TBC1D9: variants seen among roughly 807,000 people sequenced by gnomAD.
TBC1D9 encodes TBC1 domain family member 9.
TBC1D9 carries 63 observed loss-of-function variants against 132.0 expected under a neutral mutation model. That is an observed-to-expected ratio of 0.48 (90% CI 0.39 to 0.59). The LOEUF is 0.59. TBC1D9 is among the 20% of genes least tolerant of loss of function. The probability of loss-of-function intolerance (pLI) is 0.00; values close to 1 mark genes in which losing one functional copy is unlikely to be tolerated. For missense variants in TBC1D9, 1,261 were observed against 1,592.7 expected (o/e 0.79, Z 3.54); for synonymous variants, 610 against 609.9 (o/e 1.00, Z 0.00).
intron 9 of TBC1D9, among the ~76,000 whole-genome samples, chr4:140,668,213 C>T (rs1368100465): frequency 6.6e-6 from 1 of 152,164 alleles, no homozygotes; most frequent in South Asian, 2.1e-4. Context: ...CCTGAAGGAT[C>T]TCTGGTTTCT....
chr4:140,687,343 CAT>C (rs200090051), intron 2 of TBC1D9, among the ~76,000 whole-genome samples: 691 of 37,658 alleles, frequency 0.018, 6 homozygotes, highest in East Asian at 0.028. Context: ...GTGTGTGTGT[CAT>C]ATATATATAT....
intron 1 of TBC1D9, among the ~76,000 whole-genome samples, chr4:140,710,325 G>C (rs1578851008): frequency 6.6e-6 from 1 of 152,216 alleles, no homozygotes; most frequent in African/African-American, 2.4e-5. Flanking sequence ...AAAGAGGGGA[G>C]TGAGCTAAAG....
chr4:140,639,268 G>A, intron 14 of TBC1D9, 62 bp downstream of exon 14: 1 of 1,483,250 alleles, frequency 6.7e-7, no homozygotes, highest in African/African-American at 1.4e-5. Flanking sequence ...GGAATCCACA[G>A]CCAGCAGGAG....
chr4:140,632,424 C>T (rs951960165), intron 16 of TBC1D9, among the ~76,000 whole-genome samples: 3 of 152,054 alleles, frequency 2.0e-5, no homozygotes, highest in African/African-American at 7.2e-5. Context: ...ACTTGTGTAA[C>T]TAAAAATTAA....
At chr4:140,704,340 G>A (rs931726349) in intron 1 of TBC1D9, among the ~76,000 whole-genome samples, 4 of 151,366 alleles carry the variant, frequency 2.6e-5, no homozygotes, top group African/African-American at 9.7e-5. Context: ...GGCGCAGGTT[G>A]CAGTGAGCTG....
chr4:140,701,642 G>GT, intron 1 of TBC1D9, 28 bp from the exon 2 acceptor site: 1 of 1,570,680 alleles, frequency 6.4e-7, no homozygotes. Flanking sequence ...GGAGAAACAG[G>GT]TAAGAATTGC....
intron 13 of TBC1D9, chr4:140,643,721 T>A: frequency 8.2e-7 from 1 of 1,215,090 alleles, no homozygotes; most frequent in Admixed American, 2.3e-5. Context: ...TGCAGGGTTC[T>A]GTCCGGCCCG....
chr4:140,688,181 C>T (rs536008476), intron 2 of TBC1D9, among the ~76,000 whole-genome samples: 1 of 152,272 alleles, frequency 6.6e-6, no homozygotes, highest in East Asian at 1.9e-4. Flanking sequence ...TGGGTATTTT[C>T]CACACTTGCT....
At chr4:140,653,335 T>C (rs976211251) in intron 13 of TBC1D9, among the ~76,000 whole-genome samples, 1 of 152,216 alleles carries the variant, frequency 6.6e-6, no homozygotes, top group Admixed American at 6.5e-5. Flanking sequence ...AAGAAATGCA[T>C]TGTGTATCTT....
intron 15 of TBC1D9, among the ~76,000 whole-genome samples, chr4:140,637,786 TTGATAATGC>T (rs1736904579): frequency 6.6e-6 from 1 of 152,092 alleles, no homozygotes; most frequent in Admixed American, 6.5e-5. Flanking sequence ...GTCCACTCTG[TTGATAATGC>T]TGATGCTGCA....
chr4:140,726,884 G>A (rs1312865158), intron 1 of TBC1D9, among the ~76,000 whole-genome samples: 1 of 152,052 alleles, frequency 6.6e-6, no homozygotes, highest in Non-Finnish European at 1.5e-5. Flanking sequence ...TTGCCCAAAT[G>A]CATCTGTTAC....
chr4:140,635,058 G>C (rs938652085), intron 15 of TBC1D9, among the ~76,000 whole-genome samples: 11 of 152,294 alleles, frequency 7.2e-5, no homozygotes, highest in African/African-American at 2.4e-4. Flanking sequence ...GGCATTTATA[G>C]TTAACTCTGG....
intron 13 of TBC1D9, chr4:140,642,810 T>TC: frequency 1.6e-6 from 1 of 615,704 alleles, no homozygotes; most frequent in Admixed American, 2.7e-5. Flanking sequence ...TTGCAGTTCT[T>TC]CCCCCTCTTG....
chr4:140,744,455 C>T (rs1281397926), intron 1 of TBC1D9, among the ~76,000 whole-genome samples: 1 of 152,132 alleles, frequency 6.6e-6, no homozygotes, highest in Non-Finnish European at 1.5e-5. Context: ...CCAGCATTAA[C>T]ATTAAAACAG....
chr4:140,633,346 G>C (rs1229853161), intron 16 of TBC1D9, among the ~76,000 whole-genome samples: 1 of 152,150 alleles, frequency 6.6e-6, no homozygotes, highest in Admixed American at 6.5e-5. Flanking sequence ...AGTCCAAAAA[G>C]GCAGTCATAT....
intron 2 of TBC1D9, among the ~76,000 whole-genome samples, chr4:140,698,746 G>T (rs7693177): frequency 1.1e-4 from 17 of 150,464 alleles, no homozygotes; most frequent in African/African-American, 3.2e-4. Flanking sequence ...TCGGGGGTGG[G>T]GGGGGGAAAG....
At chr4:140,646,336 C>T (rs1438211156) in intron 13 of TBC1D9, among the ~76,000 whole-genome samples, 4 of 152,182 alleles carry the variant, frequency 2.6e-5, no homozygotes, top group Non-Finnish European at 4.4e-5. Context: ...CTCCCTGGCA[C>T]CTTACCTTTC....
rs36222926 is a variant in TBC1D9 at position 140,709,248 on chromosome 4, T to TCA, written c.131-7636_131-7635dup. On this transcript the variant is annotated intron_variant, in intron 1 of 20. Coordinates refer to ENST00000442267, the MANE Select transcript of TBC1D9 (RefSeq NM_015130.3). ...CTCTCTCTCTCTCTCTCTCTCTCTC[T>TCA]CACACACACACACACACACACACAC... 5.8e-3 allele frequency among the ~76,000 whole-genome samples: 605 copies of TCA among 104,162 alleles called. 9 individuals carry two copies. The highest frequency in any genetic ancestry group is 0.021 in the African/African-American group (478 of 22,664). 68.3% of individuals were successfully genotyped at this position (104,162 alleles called of 152,430 possible).
Position 140,654,133 on chromosome 4 carries a change from G to A in TBC1D9, c.2337+2964C>T, listed in dbSNP as rs138131840. Among the ~76,000 whole-genome samples the A allele has an allele frequency of 1.6e-3, 247 of 152,342 alleles. 1 individual carries two copies. The highest frequency in any genetic ancestry group is 5.8e-3 in the African/African-American group (240 of 41,584). ...AGCAATTTTACTTCTGCACAGAGGG[G>A]TGCCTCCTTGGCCAGTTGCCATGAG... On this transcript the variant is annotated intron_variant, in intron 13 of 20. Coordinates refer to ENST00000442267, the MANE Select transcript of TBC1D9 (RefSeq NM_015130.3).
Sources: gnomAD v4.1 joint callset for allele counts (sites outside exome capture counted in the v4.1 genomes callset) on GRCh38, gnomAD v4.1.1 for gene constraint, MANE v1.5 for transcripts, NCBI Gene and HGNC (gene_info 2026-07-23, HGNC 2026-07-21) for gene names.